Variants in CCDC126 observed in about 807,000 individuals in gnomAD.
CCDC126 encodes the protein coiled-coil domain containing 126.
Under a neutral mutation model 11.7 loss-of-function variants are expected in CCDC126, and 5 were observed. The observed-to-expected ratio is 0.43, with a 90% CI of 0.22 to 0.90. The LOEUF is 0.90. Ranked by LOEUF, CCDC126 falls within the 40% of genes least tolerant of loss-of-function variation. The pLI, the probability that CCDC126 is intolerant of heterozygous loss-of-function variation, is 0.27. For missense variants in CCDC126, 150 were observed against 163.1 expected, an observed-to-expected ratio of 0.92 and a Z score of 0.44; for synonymous variants, 60 against 61.9, an observed-to-expected ratio of 0.97 and a Z score of 0.14.
intron 3 of CCDC126, among the ~76,000 whole-genome samples, chr7:23,617,815 C>T (rs56704566): frequency 0.012 from 1,812 of 152,190 alleles, 38 homozygotes; most frequent in African/African-American, 0.041. Context: ...AAGTACTGTG[C>T]GTCACTTTTG....
chr7:23,608,723 C>G (rs1206373230), intron 2 of CCDC126, among the ~76,000 whole-genome samples: 1 of 152,170 alleles, frequency 6.6e-6, no homozygotes, highest in Non-Finnish European at 1.5e-5. Context: ...CTAATGGGTT[C>G]TCCTTGCCCG....
rs117001241 is a variant in CCDC126, at chr7:23,606,975, G to A, written c.-145-4196G>A. Among the ~76,000 whole-genome samples the A allele has an allele frequency of 2.6e-3, 393 of 152,104 alleles. 1 individual carries two copies. The highest frequency in any genetic ancestry group is 3.5e-3 in the Non-Finnish European group (235 of 68,006). The stretch of plus-strand genomic sequence containing the variant: ...TAGCTAGGCCTGGTGGTGTGCACTT[G>A]TAGTTCCAGGCTATTCAGAAAGCTA... On this transcript the variant is annotated intron_variant, in intron 2 of 3. Coordinates refer to ENST00000307471, the MANE Select transcript of CCDC126 (RefSeq NM_138771.4).
Position 23,605,982 on chromosome 7 carries a change from G to GT in CCDC126, c.-145-5180dup, listed in dbSNP as rs549336339. Among the ~76,000 whole-genome samples, 902 of 149,944 alleles carry GT rather than the reference G, an allele frequency of 6.0e-3. 7 individuals are homozygous for GT. The highest frequency in any genetic ancestry group is 0.012 in the African/African-American group (484 of 40,574). Reference sequence around the variant, plus strand: ...ACATCCTTGCCAACACTTGTTTTCTGTTTTTTTTTGTGTGTGTGTGTGTGT... The same window carrying GT: ...ACATCCTTGCCAACACTTGTTTTCTGTTTTTTTTTTGTGTGTGTGTGTGTGT... On this transcript the variant is annotated intron_variant, in intron 2 of 3. Transcript: ENST00000307471.
At chr7:23,606,948 A>G (rs1429763151) in intron 2 of CCDC126, among the ~76,000 whole-genome samples, 1 of 151,918 alleles carries the variant, frequency 6.6e-6, no homozygotes, top group African/African-American at 2.4e-5. Context: ...AAGTACAAAA[A>G]TTAGCTAGGC....
intron 3 of CCDC126, among the ~76,000 whole-genome samples, chr7:23,621,048 A>T (rs1486688830): frequency 6.6e-6 from 1 of 152,194 alleles, no homozygotes; most frequent in African/African-American, 2.4e-5. Context: ...CTTAGGACTG[A>T]CTTGGCAATG....
At chr7:23,622,102 A>C (rs1003517132) in intron 3 of CCDC126, among the ~76,000 whole-genome samples, 2 of 152,160 alleles carry the variant, frequency 1.3e-5, no homozygotes, top group Non-Finnish European at 2.9e-5. Flanking sequence ...TCATAAAATG[A>C]ATTAGGGAGG....
At chr7:23,619,522 G>T in intron 3 of CCDC126, 1 of 316,710 alleles carries the variant, frequency 3.2e-6, no homozygotes, top group South Asian at 3.6e-5. Flanking sequence ...TGCACAGCTG[G>T]GCCCACCTTA....
Position 23,643,387 on chromosome 7 carries a change from T to G in CCDC126, c.*272T>G, listed in dbSNP as rs1376055718. The G allele has an allele frequency of 3.4e-6, 1 of 295,828 alleles. No individual in the cohort carries two copies. The allele number at this position is 295,828 out of a possible 1,614,324, so 18.3% of individuals were successfully genotyped here. A position where few individuals can be genotyped will look rare whatever the true frequency, so the allele number is the denominator to read the frequency against. On this transcript the variant is annotated 3_prime_UTR_variant, in exon 4 of 4. Transcript: ENST00000307471. Reference sequence around the variant, plus strand: ...ATGTGGTAAGCAGATAGGTGAGTTTTGTATAAATCTTTTGTGTTTGAGATC... The same window carrying G: ...ATGTGGTAAGCAGATAGGTGAGTTTGGTATAAATCTTTTGTGTTTGAGATC...
intron 3 of CCDC126, among the ~76,000 whole-genome samples, chr7:23,637,316 C>G (rs1299085512): frequency 1.9e-4 from 3 of 15,650 alleles, no homozygotes; most frequent in African/African-American, 8.8e-4. Flanking sequence ...GGGGATCAGC[C>G]CCCCGCCTGG....
In CCDC126 at chr7:23,644,461, T is replaced by G. The variant is rs1184043061; in HGVS notation, c.*1346T>G. 1 of 152,562 alleles carries G rather than the reference T, an allele frequency of 6.6e-6. No individual in the cohort carries two copies. Among genetic ancestry groups the G allele is most frequent in the African/African-American group, 2.4e-5 (1 of 41,468 alleles). 9.5% of individuals were successfully genotyped at this position (152,562 alleles called of 1,614,324 possible). A position where few individuals can be genotyped will look rare whatever the true frequency, so the allele number is the denominator to read the frequency against. ...TATTGTATTGTTCGTCATTATAATA[T>G]GCTACCACATGTAGCAATAATTACA... On this transcript the variant is annotated 3_prime_UTR_variant, in exon 4 of 4. Transcript: ENST00000307471.
intron 2 of CCDC126, among the ~76,000 whole-genome samples, chr7:23,607,330 A>C (rs937483578): frequency 1.1e-4 from 16 of 152,090 alleles, no homozygotes; most frequent in African/African-American, 3.1e-4. Context: ...CTGCTTAGTG[A>C]CTCTGTCCTT....
At chr7:23,632,330 A>G (rs1452199444) in intron 3 of CCDC126, among the ~76,000 whole-genome samples, 1 of 152,192 alleles carries the variant, frequency 6.6e-6, no homozygotes, top group African/African-American at 2.4e-5. Context: ...TCCTGACCTC[A>G]AGTGATCCGC....
intron 3 of CCDC126, chr7:23,619,523 G>T: frequency 3.2e-6 from 1 of 317,298 alleles, no homozygotes; most frequent in Admixed American, 3.5e-5. Context: ...GCACAGCTGG[G>T]CCCACCTTAC....
chr7:23,615,982 T>C (rs1223456267), intron 3 of CCDC126, among the ~76,000 whole-genome samples: 1 of 152,222 alleles, frequency 6.6e-6, no homozygotes, highest in Non-Finnish European at 1.5e-5. Context: ...ATGGCACCAA[T>C]AGACTTGCTC....
chr7:23,613,490 T>C (rs541021271), intron 3 of CCDC126, among the ~76,000 whole-genome samples: 2 of 152,334 alleles, frequency 1.3e-5, no homozygotes, highest in Middle Eastern at 6.8e-3. Context: ...ATCTAAATAA[T>C]ATGCTCTGTG....
intron 3 of CCDC126, among the ~76,000 whole-genome samples, chr7:23,636,545 G>T (rs1159528497): frequency 7.8e-6 from 1 of 128,012 alleles, no homozygotes; most frequent in Non-Finnish European, 1.7e-5. Context: ...CGCCTCTGCT[G>T]GGCCGCAACC....
chr7:23,613,865 C>G (rs929984308), intron 3 of CCDC126, among the ~76,000 whole-genome samples: 67 of 152,318 alleles, frequency 4.4e-4, no homozygotes, highest in Middle Eastern at 3.4e-3. Context: ...ACTGTAATCT[C>G]TTAAGTGTGC....
chr7:23,644,083 A>G lies in CCDC126; in HGVS notation c.*968A>G, dbSNP rs970244830. 1 of 152,116 alleles carries G rather than the reference A, an allele frequency of 6.6e-6. No individual in the cohort carries two copies. Among genetic ancestry groups the G allele is most frequent in the Admixed American group, 6.5e-5 (1 of 15,276 alleles). 9.4% of individuals were successfully genotyped at this position (152,116 alleles called of 1,614,324 possible). On this transcript the variant is annotated 3_prime_UTR_variant, in exon 4 of 4. Transcript: ENST00000307471. ...TATAATAAAGGTACTTTTGTGCTGC[A>G]TTAAATTGCTTGGAAAATGTTAACA...
chr7:23,637,667 C>T (rs1274388103), intron 3 of CCDC126, among the ~76,000 whole-genome samples: 2 of 5,070 alleles, frequency 3.9e-4, no homozygotes. Context: ...GGGGGGTCAG[C>T]CCCCCGCCCG....
Sources: gnomAD v4.1 joint callset for allele counts (sites outside exome capture counted in the v4.1 genomes callset) on GRCh38, gnomAD v4.1.1 for gene constraint, MANE v1.5 for transcripts, NCBI Gene and HGNC (gene_info 2026-07-23, HGNC 2026-07-21) for gene names.